Variants in AK5 observed in about 807,000 individuals in gnomAD.
AK5 encodes the protein adenylate kinase 5, also known as adenylate kinase isoenzyme 5.
A neutral mutation model predicts 69.5 loss-of-function variants in AK5; 27 were observed. That is an observed-to-expected ratio of 0.39 (90% CI 0.29 to 0.54). The LOEUF is 0.54. Among genes scored for constraint, AK5 ranks in the 20% least tolerant of loss-of-function variants. The probability of loss-of-function intolerance (pLI) is 0.71; values close to 1 mark genes in which losing one functional copy is unlikely to be tolerated. For synonymous variants in AK5, 260 were observed against 244.4 expected (o/e 1.06, Z -0.60); for missense variants, 531 against 700.4 (o/e 0.76, Z 2.73).
At chr1:77,541,494 C>T (rs1405994875) in intron 13 of AK5, among the ~76,000 whole-genome samples, 2 of 152,212 alleles carry the variant, frequency 1.3e-5, no homozygotes, top group Admixed American at 1.3e-4. Context: ...GGGGCGTTTT[C>T]ACCACATCTT....
chr1:77,466,165 G>A (rs547924272), intron 8 of AK5, among the ~76,000 whole-genome samples: 15 of 152,054 alleles, frequency 9.9e-5, no homozygotes, highest in Admixed American at 2.0e-4. Flanking sequence ...CTTCTCTAAG[G>A]CATGTGCTGC....
intron 5 of AK5, among the ~76,000 whole-genome samples, chr1:77,317,266 G>A (rs1251191035): frequency 1.3e-5 from 2 of 152,100 alleles, no homozygotes; most frequent in South Asian, 2.1e-4. Context: ...GCAGCTCAGG[G>A]CTCTAAAGGC....
At chr1:77,513,997 C>T (rs770561084) in intron 10 of AK5, among the ~76,000 whole-genome samples, 1 of 152,214 alleles carries the variant, frequency 6.6e-6, no homozygotes, top group Non-Finnish European at 1.5e-5. Flanking sequence ...TACAGTCTCT[C>T]CCCTCCCTTC....
At chr1:77,285,121 AAT>A (rs1213543770) in intron 1 of AK5, among the ~76,000 whole-genome samples, 2 of 152,208 alleles carry the variant, frequency 1.3e-5, no homozygotes, top group African/African-American at 4.8e-5. Context: ...AGCCATCACT[AAT>A]ATCTCTGAGC....
In AK5 at chr1:77,357,220, A is replaced by G. The variant is rs1031221796; in HGVS notation, c.891+16652A>G. ...CAAGGAACTCAATGATAAATATTACATTAAGCAAAATGTAGTTTGGTATGG... is the reference window on the plus strand; with the variant it reads ...CAAGGAACTCAATGATAAATATTACGTTAAGCAAAATGTAGTTTGGTATGG... On this transcript the variant is annotated intron_variant, in intron 6 of 13. Coordinates refer to ENST00000354567, the MANE Select transcript of AK5 (RefSeq NM_174858.3). 2.9e-4 allele frequency among the ~76,000 whole-genome samples: 44 copies of G among 151,692 alleles called. 1 individual carries two copies. The highest frequency in any genetic ancestry group is 1.6e-4 in the Non-Finnish European group (11 of 68,026).
chr1:77,512,098 C>G (rs571285490), intron 10 of AK5, among the ~76,000 whole-genome samples: 2 of 152,236 alleles, frequency 1.3e-5, no homozygotes, highest in East Asian at 3.9e-4. Context: ...GGAATTAAAG[C>G]CTAGAAAGCT....
At chr1:77,359,114 G>C (rs1646807753) in intron 6 of AK5, among the ~76,000 whole-genome samples, 1 of 151,954 alleles carries the variant, frequency 6.6e-6, no homozygotes, top group African/African-American at 2.4e-5. Context: ...ACTTAGCCGG[G>C]CATAGTGGTG....
chr1:77,381,711 A>T (rs752527228), intron 6 of AK5, among the ~76,000 whole-genome samples: 1 of 152,084 alleles, frequency 6.6e-6, no homozygotes, highest in Non-Finnish European at 1.5e-5. Flanking sequence ...TTCCCAGGTA[A>T]CTCTATTTTA....
intron 8 of AK5, among the ~76,000 whole-genome samples, chr1:77,429,607 T>G: frequency 6.6e-6 from 1 of 152,266 alleles, no homozygotes; most frequent in Admixed American, 6.5e-5. Flanking sequence ...GTGAAGTACT[T>G]GGGAGAATAA....
At chr1:77,368,246 T>TG (rs1394736421) in intron 6 of AK5, among the ~76,000 whole-genome samples, 7 of 4,838 alleles carry the variant, frequency 1.4e-3, no homozygotes, top group African/African-American at 2.5e-3. Flanking sequence ...TATATATATA[T>TG]ATATATAATA....
chr1:77,398,589 G>A (rs952744476), intron 6 of AK5, among the ~76,000 whole-genome samples: 2 of 152,184 alleles, frequency 1.3e-5, no homozygotes, highest in African/African-American at 2.4e-5. Flanking sequence ...AGCTTGACGA[G>A]TATTTGTCTA....
At chr1:77,312,570 G>A (rs879546426) in intron 5 of AK5, among the ~76,000 whole-genome samples, 48 of 147,370 alleles carry the variant, frequency 3.3e-4, no homozygotes, top group Non-Finnish European at 6.2e-4. Flanking sequence ...AGGCAAGATT[G>A]CATCACCACA....
At chr1:77,497,588 A>G (rs1276734698) in intron 10 of AK5, among the ~76,000 whole-genome samples, 2 of 152,178 alleles carry the variant, frequency 1.3e-5, no homozygotes, top group Non-Finnish European at 2.9e-5. Flanking sequence ...AGATGAGTTT[A>G]GTTTTAAACT....
At chr1:77,527,528 C>A (rs775216694) in intron 12 of AK5, among the ~76,000 whole-genome samples, 7 of 152,206 alleles carry the variant, frequency 4.6e-5, no homozygotes, top group Non-Finnish European at 8.8e-5. Flanking sequence ...TGCTAAAATT[C>A]ATGATTCCAT....
intron 8 of AK5, among the ~76,000 whole-genome samples, chr1:77,481,000 C>T (rs1485514990): frequency 1.3e-5 from 2 of 152,170 alleles, no homozygotes; most frequent in Non-Finnish European, 2.9e-5. Context: ...AGCCTGAGAC[C>T]ATGGTGAGCT....
chr1:77,345,934 G>A (rs1007202855), intron 6 of AK5: 1 of 152,030 alleles, frequency 6.6e-6, no homozygotes, highest in African/African-American at 2.4e-5. Flanking sequence ...GTCAACCAGA[G>A]CCTTATCAAT....
intron 5 of AK5, among the ~76,000 whole-genome samples, chr1:77,329,152 A>C (rs1022600376): frequency 1.3e-5 from 2 of 151,102 alleles, no homozygotes; most frequent in African/African-American, 2.4e-5. Flanking sequence ...AAATGGCTAA[A>C]CCACCAAAAT....
chr1:77,294,366 C>A (rs1430030481), intron 3 of AK5, among the ~76,000 whole-genome samples: 2 of 151,050 alleles, frequency 1.3e-5, no homozygotes, highest in Non-Finnish European at 2.9e-5. Context: ...ATCCCTTGAA[C>A]CCAGGAGTCC....
At chr1:77,475,349 CATATATATTATATATATACAA>C (rs1437069937) in intron 8 of AK5, among the ~76,000 whole-genome samples, 8 of 120,064 alleles carry the variant, frequency 6.7e-5, no homozygotes, top group Non-Finnish European at 1.2e-4. Context: ...TATATATATA[CATATATATTATATATATACAA>C]ATATATATTA....
Sources: allele counts gnomAD v4.1 joint callset (sites outside exome capture counted in the v4.1 genomes callset), GRCh38; gene constraint gnomAD v4.1.1; transcripts MANE v1.5; gene names NCBI Gene and HGNC (gene_info 2026-07-23, HGNC 2026-07-21).